Variants in DYNC2I2 observed in about 807,000 individuals in gnomAD.
DYNC2I2 encodes dynein 2 intermediate chain 2.
DYNC2I2 carries 39 observed loss-of-function variants against 52.0 expected under a neutral mutation model. The ratio of observed to expected loss-of-function variants is 0.75; its 90% CI spans 0.58 to 0.98. The LOEUF is 0.98. DYNC2I2 is among the 50% of genes least tolerant of loss of function. DYNC2I2 has a pLI of 0.00. For synonymous variants in DYNC2I2, 359 were observed against 321.1 expected, an observed-to-expected ratio of 1.12 and a Z score of -1.26; for missense variants, 743 against 728.4, an observed-to-expected ratio of 1.02 and a Z score of -0.23.
chr9:128,670,564 C>T, the DYNC2I2 span, among the ~76,000 whole-genome samples: 1 of 150,616 alleles, frequency 6.6e-6, no homozygotes, highest in African/African-American at 2.4e-5. Flanking sequence ...GGTGAAACTC[C>T]ATCTCTACTA....
chr9:128,658,310 C>A (rs1280215162), upstream of DYNC2I2, among the ~76,000 whole-genome samples: 1 of 151,726 alleles, frequency 6.6e-6, no homozygotes, highest in Non-Finnish European at 1.5e-5. Context: ...GGATTACAGG[C>A]ACATGCCACC....
At chr9:128,645,556 G>C (rs1860599909) in intron 1 of DYNC2I2, among the ~76,000 whole-genome samples, 1 of 128,578 alleles carries the variant, frequency 7.8e-6, no homozygotes, top group South Asian at 2.6e-4. Context: ...AGCAGAGGTT[G>C]CAATGAGCCG....
chr9:128,681,734 C>T, the DYNC2I2 span, among the ~76,000 whole-genome samples: 2 of 152,034 alleles, frequency 1.3e-5, no homozygotes, highest in African/African-American at 4.8e-5. Context: ...CCTAACAGAC[C>T]CCCAATAACA....
the DYNC2I2 span, chr9:128,683,915 C>T: frequency 6.4e-7 from 1 of 1,553,094 alleles, no homozygotes; most frequent in South Asian, 1.2e-5. Context: ...AAACGCCAGT[C>T]TCCACTCCCG....
the DYNC2I2 span, among the ~76,000 whole-genome samples, chr9:128,671,067 C>CAA: frequency 9.4e-6 from 1 of 106,894 alleles, no homozygotes; most frequent in African/African-American, 3.5e-5. Context: ...AACTCCGTCT[C>CAA]AAAAAAAAAA....
the DYNC2I2 span, among the ~76,000 whole-genome samples, chr9:128,677,331 A>C: frequency 6.6e-6 from 1 of 152,096 alleles, no homozygotes; most frequent in Non-Finnish European, 1.5e-5. Flanking sequence ...TAAAAATACA[A>C]TAAACTAGCC....
At chr9:128,659,159 A>G (rs1022464987), upstream of DYNC2I2, among the ~76,000 whole-genome samples, 4 of 151,738 alleles carry the variant, frequency 2.6e-5, no homozygotes, top group Non-Finnish European at 4.4e-5. Context: ...GCCTCAGTTT[A>G]CCACCACCTA....
the DYNC2I2 span, among the ~76,000 whole-genome samples, chr9:128,673,031 A>T: frequency 6.6e-6 from 1 of 152,150 alleles, no homozygotes; most frequent in Non-Finnish European, 1.5e-5. Flanking sequence ...CTCAAAAAAA[A>T]ACCCTTTTTA....
intron 1 of DYNC2I2, among the ~76,000 whole-genome samples, chr9:128,649,586 G>A (rs1471230699): frequency 6.6e-6 from 1 of 151,056 alleles, no homozygotes; most frequent in East Asian, 1.9e-4. Flanking sequence ...CTACTGGGGA[G>A]GCTAAGGTGG....
At chr9:128,683,164 T>G in the DYNC2I2 span, among the ~76,000 whole-genome samples, 1 of 151,802 alleles carries the variant, frequency 6.6e-6, no homozygotes, top group Non-Finnish European at 1.5e-5. Flanking sequence ...CCAGCTAAAA[T>G]AAACCCTCTT....
chr9:128,641,884 G>A lies in DYNC2I2; in HGVS notation c.187-945C>T, dbSNP rs1474076516. Among the ~76,000 whole-genome samples, 37 of 151,852 alleles carry A rather than the reference G, an allele frequency of 2.4e-4. 1 individual carries two copies. The highest frequency in any genetic ancestry group is 1.5e-5 in the Non-Finnish European group (1 of 67,972). On this transcript the variant is annotated intron_variant, in intron 1 of 8. Coordinates refer to ENST00000372715, the MANE Select transcript of DYNC2I2 (RefSeq NM_052844.4). Reference sequence around the variant, plus strand: ...CTGCTTGTCTGTGTCCTACTGAACCGCCAGCCCCCCAGCATAAGACTCTTG... The same window carrying A: ...CTGCTTGTCTGTGTCCTACTGAACCACCAGCCCCCCAGCATAAGACTCTTG...
chr9:128,634,071 T>TTGTGTGCAGCCACAGTG lies in DYNC2I2; in HGVS notation c.1373-106_1373-90dup. ...AGGCTAATGCCCGGGTTCAATCCTGTTGTGTGCAGCCACAGTGGCTTTGAG... is the reference window on the plus strand; with the variant it reads ...AGGCTAATGCCCGGGTTCAATCCTGTTGTGTGCAGCCACAGTGTGTGTGCAGCCACAGTGGCTTTGAG... On this transcript the variant is annotated intron_variant, in intron 8 of 8. Coordinates refer to ENST00000372715, the MANE Select transcript of DYNC2I2 (RefSeq NM_052844.4). 2.6e-6 allele frequency: 4 copies of TTGTGTGCAGCCACAGTG among 1,561,692 alleles called. No individual in the cohort carries two copies. The South Asian group carries it at 3.5e-5, about 14-fold the overall frequency.
the DYNC2I2 span, among the ~76,000 whole-genome samples, chr9:128,666,943 G>A: frequency 6.6e-6 from 1 of 151,898 alleles, no homozygotes; most frequent in African/African-American, 2.4e-5. Flanking sequence ...GCTCACTCCT[G>A]TAATTCCAGC....
intron 1 of DYNC2I2, among the ~76,000 whole-genome samples, chr9:128,648,566 A>G (rs1478302410): frequency 6.7e-6 from 1 of 150,316 alleles, no homozygotes; most frequent in Non-Finnish European, 1.5e-5. Context: ...CAGGCAGATC[A>G]CTTGAGGCCA....
intron 1 of DYNC2I2, among the ~76,000 whole-genome samples, chr9:128,643,974 CA>C: frequency 6.6e-6 from 1 of 152,212 alleles, no homozygotes; most frequent in African/African-American, 2.4e-5. Flanking sequence ...GGACTACACA[CA>C]CCAAGGAATG....
At chr9:128,634,432 G>T (rs1315450991) in intron 7 of DYNC2I2, 49 bp from the exon 8 acceptor site, 4 of 1,527,000 alleles carry the variant, frequency 2.6e-6, no homozygotes, top group Non-Finnish European at 3.5e-6. Context: ...CTGGGGTCTG[G>T]GTGGTGCTGG....
At chr9:128,683,741 G>A in the DYNC2I2 span, 22 of 584,420 alleles carry the variant, frequency 3.8e-5, no homozygotes, top group African/African-American at 2.5e-4. Context: ...GGAGGGGGCC[G>A]GGGTGTGTGT....
chr9:128,634,997 G>C (rs1187853176), intron 6 of DYNC2I2, 76 bp from the exon 7 acceptor site: 3 of 1,588,424 alleles, frequency 1.9e-6, no homozygotes, highest in Non-Finnish European at 2.6e-6. Context: ...CAGAGAACAG[G>C]AGGGGAGATC....
At chr9:128,652,480 A>C (rs1860736379) in intron 1 of DYNC2I2, among the ~76,000 whole-genome samples, 2 of 149,436 alleles carry the variant, frequency 1.3e-5, no homozygotes, top group Non-Finnish European at 3.0e-5. Context: ...AGAGTTGGCC[A>C]GGTGCTGTGG....
Sources: gnomAD v4.1 joint callset for allele counts (sites outside exome capture counted in the v4.1 genomes callset) on GRCh38, gnomAD v4.1.1 for gene constraint, MANE v1.5 for transcripts, NCBI Gene and HGNC (gene_info 2026-07-23, HGNC 2026-07-21) for gene names.